The following TNS1 variants were observed in gnomAD, a reference collection of about 807,000 sequenced individuals.
TNS1 encodes tensin 1, also known as tensin-1.
Under a neutral mutation model 168.6 loss-of-function variants are expected in TNS1, and 62 were observed. That is an observed-to-expected ratio of 0.37 (90% CI 0.30 to 0.45). TNS1 has a LOEUF of 0.45. TNS1 is among the 20% of genes least tolerant of loss of function. TNS1 has a pLI of 1.00. For missense variants in TNS1, 2,240 were observed against 2,339.4 expected (o/e 0.96, Z 0.88); for synonymous variants, 934 against 933.2 (o/e 1.00, Z -0.02).
At chr2:217,834,942 G>A (rs928517956) in intron 21 of TNS1, 149 bp downstream of exon 21, 5 of 579,456 alleles carry the variant, frequency 8.6e-6, no homozygotes, top group Admixed American at 3.9e-5. Flanking sequence ...TGGAAGAGAA[G>A]GGGCCATGGG....
intron 12 of TNS1, 91 bp downstream of exon 12, chr2:217,890,871 G>A: frequency 7.0e-7 from 1 of 1,421,194 alleles, no homozygotes. Flanking sequence ...CCTAGGCACA[G>A]CTATCCCATC....
chr2:217,831,057 G>A (rs1380964984), intron 22 of TNS1, among the ~76,000 whole-genome samples: 1 of 152,038 alleles, frequency 6.6e-6, no homozygotes, highest in African/African-American at 2.4e-5. Context: ...AGCAGCAGGG[G>A]CATGCTTCTC....
At chr2:217,931,021 C>T (rs886260789) in intron 3 of TNS1, among the ~76,000 whole-genome samples, 3 of 152,094 alleles carry the variant, frequency 2.0e-5, no homozygotes, top group Non-Finnish European at 2.9e-5. Context: ...GGGAGCGAGA[C>T]CACGTGTTCA....
chr2:218,011,076 C>A (rs996561327), upstream of TNS1, among the ~76,000 whole-genome samples: 42 of 152,230 alleles, frequency 2.8e-4, no homozygotes, highest in African/African-American at 7.9e-4. Context: ...AGAGCTGGAC[C>A]AGCACTCTAG....
chr2:217,935,796 C>T (rs910494895), intron 3 of TNS1, among the ~76,000 whole-genome samples: 2 of 152,222 alleles, frequency 1.3e-5, no homozygotes, highest in African/African-American at 2.4e-5. Context: ...GCCAGACCCG[C>T]TCTATTTGTT....
chr2:217,950,507 G>C (rs1957213190), intron 3 of TNS1, among the ~76,000 whole-genome samples: 2 of 151,988 alleles, frequency 1.3e-5, no homozygotes, highest in Non-Finnish European at 2.9e-5. Flanking sequence ...AGCCAAGCTG[G>C]CTCCTGGGCT....
Position 217,830,016 on chromosome 2 carries a change from T to C in TNS1, c.3373+1439A>G, listed in dbSNP as rs575582317. ...GGATTATTTCTTGAGAAAGAGAATC[T>C]GTGGAGAAAACGGAGATGGGAAAGC... is the stretch of plus-strand genomic sequence containing the variant. On this transcript the variant is annotated intron_variant, in intron 22 of 32. Transcript: ENST00000682258. 7 of 1,483,458 alleles carry C rather than the reference T, an allele frequency of 4.7e-6. No homozygotes were observed. The East Asian group carries it at 1.7e-4, about 36-fold the overall frequency. The allele number at this position is 1,483,458 out of a possible 1,614,324, so 91.9% of individuals were successfully genotyped here. A position where few individuals can be genotyped will look rare whatever the true frequency, so the allele number is the denominator to read the frequency against.
chr2:217,837,531 A>C (rs1344714692), intron 19 of TNS1, among the ~76,000 whole-genome samples: 1 of 152,164 alleles, frequency 6.6e-6, no homozygotes, highest in Non-Finnish European at 1.5e-5. Context: ...GGGCTCCCAT[A>C]ATCGGGGGTG....
chr2:217,879,343 A>G (rs1270029746), intron 18 of TNS1: 2 of 408,244 alleles, frequency 4.9e-6, no homozygotes, highest in Non-Finnish European at 9.7e-6. Context: ...TCCCCAGCAC[A>G]ACGACCAATT....
At chr2:217,978,473 C>T (rs1002396089) in intron 3 of TNS1, among the ~76,000 whole-genome samples, 4 of 151,950 alleles carry the variant, frequency 2.6e-5, no homozygotes, top group Admixed American at 6.5e-5. Flanking sequence ...TCAAAGGCCG[C>T]TCTCTGGGAG....
rs549005226 is a variant in TNS1 at position 217,818,481 on chromosome 2, G to A, written c.3851C>T (p.Ala1284Val). Reference protein sequence around the residue: ...GVHTVPGSPQARHRTVGTNTP... With the variant: ...GVHTVPGSPQVRHRTVGTNTP... ...GTTGGTGCCCACTGTTCTGTGGCGC[G>A]CCTGAGGGCTCCCAGGCACCGTGTG... The change falls in exon 24 of 33, where the codon GCG becomes GTG. Residue 1284 changes from alanine (A) to valine (V), a missense_variant. By Grantham distance (64) the Ala-to-Val change is moderately conservative. Coordinates refer to ENST00000682258, the MANE Select transcript of TNS1 (RefSeq NM_001387777.1). 60 of 1,614,222 alleles carry A rather than the reference G, an allele frequency of 3.7e-5. 1 individual carries two copies. In the African/African-American group the frequency reaches 5.7e-4, roughly 15 times the overall value.
chr2:217,885,214 C>A, intron 15 of TNS1, 50 bp from the exon 16 acceptor site: 1 of 1,611,470 alleles, frequency 6.2e-7, no homozygotes, highest in Non-Finnish European at 8.5e-7. Context: ...GCTGGGAGGT[C>A]AGGTCCCAGG....
At chr2:217,949,624 A>G in intron 3 of TNS1, among the ~76,000 whole-genome samples, 1 of 152,236 alleles carries the variant, frequency 6.6e-6, no homozygotes, top group East Asian at 1.9e-4. Context: ...GAATAGATCA[A>G]TGTCAACTTC....
chr2:217,875,814 T>G (rs781221204), intron 18 of TNS1, among the ~76,000 whole-genome samples: 1 of 152,102 alleles, frequency 6.6e-6, no homozygotes, highest in Non-Finnish European at 1.5e-5. Flanking sequence ...CTAGAAGATC[T>G]CCCCTGAGGG....
At chr2:217,968,846 C>A (rs2126022989) in intron 3 of TNS1, among the ~76,000 whole-genome samples, 1 of 152,244 alleles carries the variant, frequency 6.6e-6, no homozygotes, top group African/African-American at 2.4e-5. Context: ...AGCTGTGCAC[C>A]ACCATGCCTG....
At chr2:217,946,717 C>G (rs1476204944) in intron 3 of TNS1, among the ~76,000 whole-genome samples, 7 of 152,034 alleles carry the variant, frequency 4.6e-5, no homozygotes, top group Admixed American at 4.6e-4. Context: ...GGAGGTTACA[C>G]TATCCATCCC....
In TNS1 at chr2:217,885,122, C is replaced by A; in HGVS notation, c.1159G>T (p.Val387Phe). 6.2e-7 allele frequency: 1 copy of A among 1,614,210 alleles called. No individual in the cohort carries two copies. The highest frequency in any genetic ancestry group is 2.2e-5 in the East Asian group (1 of 44,882). ...HKKFRSPARD[V>F]IFRVQFHTCA... Reference sequence around the variant, plus strand: ...GTGTGGAACTGCACACGGAAGATGACGTCTCGGGCTGGGCTTCGGAACTTC... The same window carrying A: ...GTGTGGAACTGCACACGGAAGATGAAGTCTCGGGCTGGGCTTCGGAACTTC... Residue 387 changes from valine (V) to phenylalanine (F), a missense_variant, in exon 16 of 33, where the codon GTC (valine) becomes TTC (phenylalanine). Around this residue, in one of 2 missense-constraint regions of TNS1, gnomAD observed 2,131 missense variants for 2,171.2 expected, o/e 0.98. Transcript: ENST00000682258.
At chr2:217,906,273 C>CCCCCCAAT in intron 6 of TNS1, 62 bp downstream of exon 6, 1 of 656,016 alleles carries the variant, frequency 1.5e-6, no homozygotes, top group African/African-American at 1.8e-5. Context: ...CCTCCCACCC[C>CCCCCCAAT]ACCCCATTCC....
intron 1 of TNS1, among the ~76,000 whole-genome samples, chr2:218,001,387 A>T (rs1958560439): frequency 6.6e-6 from 1 of 152,082 alleles, no homozygotes; most frequent in Non-Finnish European, 1.5e-5. Flanking sequence ...GCTCACCAGG[A>T]TGAGGCACTT....
Sources: allele counts gnomAD v4.1 joint callset (sites outside exome capture counted in the v4.1 genomes callset), GRCh38; gene constraint gnomAD v4.1.1; regional missense constraint gnomAD v4.1.1; transcripts MANE v1.5; gene names NCBI Gene and HGNC (gene_info 2026-07-23, HGNC 2026-07-21).